CRYM: variants seen among roughly 807,000 people sequenced by gnomAD.
The protein encoded by CRYM is ketimine reductase mu-crystallin.
CRYM carries 18 observed loss-of-function variants against 32.9 expected under a neutral mutation model. The ratio of observed to expected loss-of-function variants is 0.55; its 90% CI spans 0.38 to 0.81. CRYM has a LOEUF of 0.81. Among genes scored for constraint, CRYM ranks in the 30% least tolerant of loss-of-function variants. The pLI is 0.00. For missense variants in CRYM, 337 were observed against 393.5 expected (o/e 0.86, Z 1.21); for synonymous variants, 153 against 152.4 (o/e 1.00, Z -0.03).
chr16:21,262,434 A>G, intron 5 of CRYM: 1 of 381,110 alleles, frequency 2.6e-6, no homozygotes, highest in Non-Finnish European at 5.1e-6. Flanking sequence ...CCTGGCCAAC[A>G]TGGTGAAACC....
At position 21,267,657 on chromosome 16, in the gene CRYM, C is replaced by A; in HGVS notation, c.570G>T (p.Ser190=). Residue 190 remains serine (S), a synonymous_variant, in exon 5 of 8, where the codon TCG becomes TCT. Coordinates refer to ENST00000572914, the MANE Select transcript of CRYM (RefSeq NM_001376256.1). ...TVQGEVRVCS[S]VQEAVAGADV... is the part of the protein sequence containing the mutation. The stretch of plus-strand genomic sequence containing the variant: ...CTGCACCTGCCACAGCCTCCTGGAC[C>A]GAAGAACAGACCCGTACCTCTCCTT... The A allele has an allele frequency of 6.2e-7, 1 of 1,614,174 alleles. No individual in the cohort carries two copies.
intron 5 of CRYM, among the ~76,000 whole-genome samples, chr16:21,262,716 T>G (rs1306307758): frequency 1.3e-5 from 2 of 152,184 alleles, no homozygotes; most frequent in Non-Finnish European, 2.9e-5. Flanking sequence ...CGACATAGCA[T>G]TCATTTACAG....
At chr16:21,296,906 G>A (rs1324363100) in intron 1 of CRYM, among the ~76,000 whole-genome samples, 2 of 152,090 alleles carry the variant, frequency 1.3e-5, no homozygotes, top group African/African-American at 4.8e-5. Context: ...CTACTCAGGA[G>A]GCTGAGGCAG....
chr16:21,278,427 C>T (rs2093392175), upstream of CRYM: 1 of 733,732 alleles, frequency 1.4e-6, no homozygotes, highest in African/African-American at 1.7e-5. Flanking sequence ...CTTCGCCCAC[C>T]TCGACCCCTA....
In CRYM at chr16:21,278,255, G is replaced by A. The variant is rs769211443; in HGVS notation, c.-4C>T. 5 of 1,583,862 alleles carry A rather than the reference G, an allele frequency of 3.2e-6. No individual in the cohort carries two copies. The highest frequency in any genetic ancestry group is 2.3e-5 in the East Asian group (1 of 43,022). ...GGAACGCTGGTACCCGGCTCATCTCGCCACCTGTGCCTTCTAACCTCAGTC... is the reference window on the plus strand; with the variant it reads ...GGAACGCTGGTACCCGGCTCATCTCACCACCTGTGCCTTCTAACCTCAGTC... On this transcript the variant is annotated 5_prime_UTR_variant, in exon 1 of 8. Coordinates refer to ENST00000572914, the MANE Select transcript of CRYM (RefSeq NM_001376256.1).
At position 21,258,805 on chromosome 16, in the gene CRYM, A is replaced by G; in HGVS notation, c.921T>C (p.Tyr307=). 1.2e-6 allele frequency: 2 copies of G among 1,614,158 alleles called. No homozygotes were observed. Among genetic ancestry groups the G allele is most frequent in the Non-Finnish European group, 1.7e-6 (2 of 1,180,004 alleles). ...TTTATTTACCAGATGACCAGGAATC[A>G]TAGATGAGTTTGGCTGCAACTGTGT... The part of the protein sequence containing the change: ...VEDTVAAKLI[Y]DSWSSGK Residue 307 remains tyrosine, a synonymous_variant, in exon 8 of 8, where the codon TAT becomes TAC. Transcript: ENST00000572914.
At chr16:21,262,197 T>G (rs771780889) in intron 5 of CRYM, 39 bp from the exon 6 acceptor site, 6 of 1,613,182 alleles carry the variant, frequency 3.7e-6, no homozygotes, top group South Asian at 1.1e-5. Flanking sequence ...CCAGGATTAG[T>G]GCCAAAGGCT....
intron 4 of CRYM, 99 bp from the exon 5 acceptor site, chr16:21,267,836 A>G: frequency 1.7e-6 from 2 of 1,159,508 alleles, no homozygotes; most frequent in Non-Finnish European, 2.6e-6. Flanking sequence ...CTACTCTGGC[A>G]TAGGGGTCAG....
Position 21,285,297 on chromosome 16 carries a change from A to G in CRYM, c.-192-6337T>C, listed in dbSNP as rs547799116. On this transcript the variant is annotated intron_variant, in intron 1 of 9. Coordinates refer to the CRYM transcript ENST00000219599. ...TTGGCTTTGCTGGGACTTTTATACT[A>G]AATTTTGGATTAGACTTTTAAAAGT... 1.7e-4 allele frequency among the ~76,000 whole-genome samples: 26 copies of G among 152,284 alleles called. No homozygotes were observed. In the South Asian group the frequency reaches 3.3e-3, roughly 19 times the overall value.
At chr16:21,275,466 C>T in intron 3 of CRYM, 66 bp downstream of exon 3, 2 of 1,443,260 alleles carry the variant, frequency 1.4e-6, no homozygotes, top group African/African-American at 1.4e-5. Flanking sequence ...TTTAGTCTCT[C>T]AAGATTGAGA....
intron 5 of CRYM, among the ~76,000 whole-genome samples, chr16:21,263,457 C>T: frequency 6.6e-6 from 1 of 152,098 alleles, no homozygotes; most frequent in Non-Finnish European, 1.5e-5. Flanking sequence ...TCAAGTGATC[C>T]TCCCGCCTCA....
In CRYM at chr16:21,296,049, G is replaced by A. The variant is rs1033627884; in HGVS notation, c.-193+6929C>T. On this transcript the variant is annotated intron_variant, in intron 1 of 9. Transcript: ENST00000219599. ...ATGAACAAATTAAAAGATTATAATT[G>A]AACTCCATAGAAAAATATCATAAGT... Among the ~76,000 whole-genome samples, 8 of 151,916 alleles carry A rather than the reference G, an allele frequency of 5.3e-5. 1 individual carries two copies. The highest frequency in any genetic ancestry group is 4.6e-4 in the Admixed American group (7 of 15,250).
At chr16:21,290,583 A>C (rs906693697) in intron 1 of CRYM, among the ~76,000 whole-genome samples, 2 of 152,156 alleles carry the variant, frequency 1.3e-5, no homozygotes, top group African/African-American at 4.8e-5. Flanking sequence ...GCATCTTACA[A>C]ATATGCTTTT....
chr16:21,267,490 C>T, intron 5 of CRYM, 64 bp downstream of exon 5: 1 of 1,541,076 alleles, frequency 6.5e-7, no homozygotes, highest in South Asian at 1.1e-5. Flanking sequence ...ATGTAGTCGA[C>T]TGGTCCCGTC....
intron 4 of CRYM, 25 bp from the exon 5 acceptor site, chr16:21,267,762 T>C: frequency 1.2e-6 from 2 of 1,613,978 alleles, no homozygotes; most frequent in South Asian, 2.2e-5. Context: ...ACAAGAAGGA[T>C]ATTGGCGCCA....
Position 21,275,603 on chromosome 16 carries a change from A to C in CRYM, c.325-9T>G, listed in dbSNP as rs1370018049. Reference sequence around the variant, plus strand: ...ACATTTCCATCCATGACCTTGGAGGAAAAGAGAGACAGTGAGCAAGGGGAA... The same window carrying C: ...ACATTTCCATCCATGACCTTGGAGGCAAAGAGAGACAGTGAGCAAGGGGAA... On this transcript the variant is annotated splice_polypyrimidine_tract_variant and intron_variant, in intron 2 of 7. Transcript: ENST00000572914. 6.2e-7 allele frequency: 1 copy of C among 1,612,080 alleles called. No individual in the cohort carries two copies. Among genetic ancestry groups the C allele is most frequent in the East Asian group, 2.2e-5 (1 of 44,882 alleles).
intron 3 of CRYM, among the ~76,000 whole-genome samples, chr16:21,270,150 C>T (rs546300328): frequency 7.9e-5 from 12 of 152,296 alleles, no homozygotes; most frequent in Admixed American, 2.0e-4. Context: ...ATTGACCCTA[C>T]GAGTTGGGGA....
At chr16:21,258,903 C>G in intron 7 of CRYM, 58 bp from the exon 8 acceptor site, 1 of 1,465,220 alleles carries the variant, frequency 6.8e-7, no homozygotes. Context: ...TTGAAACAAC[C>G]CAGGCCCCAT....
intron 1 of CRYM, among the ~76,000 whole-genome samples, chr16:21,293,917 T>C (rs1689680464): frequency 6.6e-6 from 1 of 152,174 alleles, no homozygotes; most frequent in Non-Finnish European, 1.5e-5. Flanking sequence ...CTTCAATTGA[T>C]GAAAATTCCT....
Sources: gnomAD v4.1 joint callset for allele counts (sites outside exome capture counted in the v4.1 genomes callset) on GRCh38, gnomAD v4.1.1 for gene constraint, MANE v1.5 for transcripts, NCBI Gene and HGNC (gene_info 2026-07-23, HGNC 2026-07-21) for gene names.